CDH8: variants seen among roughly 807,000 people sequenced by gnomAD.
CDH8 encodes the protein cadherin 8.
A neutral mutation model predicts 68.1 loss-of-function variants in CDH8; 17 were observed. The ratio of observed to expected loss-of-function variants is 0.25; its 90% CI spans 0.17 to 0.37. CDH8 has a LOEUF of 0.37. Among genes scored for constraint, CDH8 ranks in the 10% least tolerant of loss-of-function variants. CDH8 has a pLI of 1.00. For missense variants in CDH8, 763 were observed against 999.3 expected (o/e 0.76, Z 3.19); for synonymous variants, 372 against 365.1 (o/e 1.02, Z -0.21).
At chr16:61,825,201 T>G in intron 4 of CDH8, 22 bp from the exon 5 acceptor site, 1 of 1,591,468 alleles carries the variant, frequency 6.3e-7, no homozygotes, top group Middle Eastern at 1.7e-4. Flanking sequence ...AATGGAAGAA[T>G]GACTTTCAGT....
At chr16:61,787,871 C>T (rs1212602479) in intron 8 of CDH8, among the ~76,000 whole-genome samples, 3 of 125,028 alleles carry the variant, frequency 2.4e-5, no homozygotes, top group Admixed American at 2.1e-4. Flanking sequence ...TATTCTCACT[C>T]ATAGGTGGGA....
Position 61,649,379 on chromosome 16 carries a change from A to T in CDH8, c.*4229T>A, listed in dbSNP as rs1023960369. 4.0e-5 allele frequency: 6 copies of T among 151,640 alleles called. No homozygotes were observed. Among genetic ancestry groups the T allele is most frequent in the Non-Finnish European group, 8.8e-5 (6 of 67,914 alleles). 9.4% of individuals were successfully genotyped at this position (151,640 alleles called of 1,614,324 possible). Reference sequence around the variant, plus strand: ...ATGAGATGAAAAATTAAAACTATAAATTATCCCCAGTAACTGAATTGTGTA... The same window carrying T: ...ATGAGATGAAAAATTAAAACTATAATTTATCCCCAGTAACTGAATTGTGTA... On this transcript the variant is annotated 3_prime_UTR_variant, in exon 12 of 12. Coordinates refer to ENST00000577390, the MANE Select transcript of CDH8 (RefSeq NM_001796.5).
intron 8 of CDH8, among the ~76,000 whole-genome samples, chr16:61,760,566 G>A (rs1471999529): frequency 6.6e-6 from 1 of 152,014 alleles, no homozygotes; most frequent in Non-Finnish European, 1.5e-5. Context: ...TCCCGCCTCA[G>A]CCTCTTAAAG....
chr16:61,886,993 T>C (rs1963685594), intron 3 of CDH8, among the ~76,000 whole-genome samples: 1 of 152,222 alleles, frequency 6.6e-6, no homozygotes, highest in Non-Finnish European at 1.5e-5. Flanking sequence ...TGTTGGACAT[T>C]CACTGCAGAC....
intron 2 of CDH8, among the ~76,000 whole-genome samples, chr16:61,908,729 T>A (rs894629455): frequency 2.6e-5 from 4 of 152,198 alleles, no homozygotes; most frequent in African/African-American, 9.6e-5. Flanking sequence ...AATGCCTTTA[T>A]ATGCTGAAAT....
At chr16:62,026,161 G>A (rs76446306) in intron 1 of CDH8, among the ~76,000 whole-genome samples, 286 of 152,204 alleles carry the variant, frequency 1.9e-3, no homozygotes, top group African/African-American at 6.0e-3. Flanking sequence ...TTAAGCTTCC[G>A]AATGACCATT....
chr16:61,676,857 T>TA (rs1333893458), intron 10 of CDH8, among the ~76,000 whole-genome samples: 1 of 152,052 alleles, frequency 6.6e-6, no homozygotes, highest in Non-Finnish European at 1.5e-5. Context: ...CTTGCTACCA[T>TA]ATGTGTGCAA....
At chr16:61,744,598 T>A (rs889435253) in intron 8 of CDH8, among the ~76,000 whole-genome samples, 1 of 151,954 alleles carries the variant, frequency 6.6e-6, no homozygotes, top group East Asian at 1.9e-4. Flanking sequence ...ACTTTTTAAA[T>A]GTTTTTTAAA....
chr16:61,821,180 T>TA, intron 5 of CDH8, 67 bp from the exon 6 acceptor site: 1 of 1,309,024 alleles, frequency 7.6e-7, no homozygotes, highest in Non-Finnish European at 1.1e-6. Flanking sequence ...ATATGGCAAA[T>TA]ATCTTTTGGG....
intron 3 of CDH8, among the ~76,000 whole-genome samples, chr16:61,858,470 T>C (rs1423317035): frequency 1.3e-5 from 2 of 152,248 alleles, no homozygotes; most frequent in Non-Finnish European, 2.9e-5. Context: ...GTCTTCTTCA[T>C]GCAGCAAGTG....
intron 2 of CDH8, among the ~76,000 whole-genome samples, chr16:61,937,724 A>C (rs1306776801): frequency 6.6e-6 from 1 of 152,190 alleles, no homozygotes; most frequent in African/African-American, 2.4e-5. Flanking sequence ...CTCCCAAGTC[A>C]TCAAACCTGA....
rs558410589 is a variant in CDH8 at position 61,734,459 on chromosome 16, A to G, written c.1415-7244T>C. ...CACCTCCTACTCCCTTTCTAGGGCC[A>G]TTTTCCAGAGTTTGTATTTTCGTGG... On this transcript the variant is annotated intron_variant, in intron 8 of 11. Transcript: ENST00000577390. 1.2e-3 allele frequency among the ~76,000 whole-genome samples: 190 copies of G among 152,042 alleles called. 1 individual carries two copies. Among genetic ancestry groups the G allele is most frequent in the African/African-American group, 4.3e-3 (180 of 41,462 alleles).
chr16:61,779,317 T>C (rs1342316205), intron 8 of CDH8, among the ~76,000 whole-genome samples: 2 of 152,072 alleles, frequency 1.3e-5, no homozygotes, highest in South Asian at 2.1e-4. Context: ...TACTGTCCTA[T>C]GGCTATAATC....
intron 2 of CDH8, among the ~76,000 whole-genome samples, chr16:61,963,967 C>T (rs1965202487): frequency 6.6e-6 from 1 of 152,198 alleles, no homozygotes; most frequent in Non-Finnish European, 1.5e-5. Flanking sequence ...TCAAGCCTCA[C>T]CTGTTTACAA....
chr16:62,008,458 A>G (rs781727550), intron 2 of CDH8, among the ~76,000 whole-genome samples: 27 of 150,696 alleles, frequency 1.8e-4, no homozygotes, highest in Admixed American at 1.3e-4. Context: ...CTTTCCTCCA[A>G]CTGGTGGGAT....
intron 8 of CDH8, 92 bp downstream of exon 8, chr16:61,789,254 C>T (rs1596969427): frequency 2.5e-6 from 3 of 1,184,392 alleles, no homozygotes; most frequent in Non-Finnish European, 1.2e-6. Flanking sequence ...GTCAAGGTAC[C>T]TAACAGAAAC....
intron 8 of CDH8, among the ~76,000 whole-genome samples, chr16:61,761,954 T>C (rs1469882943): frequency 6.6e-6 from 1 of 152,114 alleles, no homozygotes; most frequent in East Asian, 1.9e-4. Context: ...TGAGCTGAGA[T>C]TGAGCCACTG....
chr16:61,996,993 TTGTGTGTATG>T (rs1243613026), intron 2 of CDH8, among the ~76,000 whole-genome samples: 1 of 150,888 alleles, frequency 6.6e-6, no homozygotes, highest in Non-Finnish European at 1.5e-5. Context: ...CCACAGAATA[TTGTGTGTATG>T]TGTGTGTGTG....
At chr16:61,828,209 G>A (rs146471165) in intron 4 of CDH8, among the ~76,000 whole-genome samples, 3 of 151,926 alleles carry the variant, frequency 2.0e-5, no homozygotes, top group East Asian at 2.0e-4. Context: ...GACAGTTTAC[G>A]AATGCCACGG....
Sources: gnomAD v4.1 joint callset for allele counts (sites outside exome capture counted in the v4.1 genomes callset) on GRCh38, gnomAD v4.1.1 for gene constraint, MANE v1.5 for transcripts, NCBI Gene and HGNC (gene_info 2026-07-23, HGNC 2026-07-21) for gene names.